MCPH1: variants seen among roughly 807,000 people sequenced by gnomAD.
MCPH1 encodes the protein microcephalin.
In MCPH1, 104 loss-of-function variants were observed where a neutral mutation model predicts 84.5. That is an observed-to-expected ratio of 1.23 (90% CI 1.05 to 1.45). The LOEUF (loss-of-function observed/expected upper bound fraction) is 1.45, where lower values mean the gene tolerates loss of function less well. Among genes scored for constraint, MCPH1 ranks in the 40% most tolerant of loss-of-function variants. MCPH1 has a pLI of 0.00. For synonymous variants in MCPH1, 514 were observed against 366.8 expected (o/e 1.40, Z -4.58); for missense variants, 1,498 against 1,005.7 (o/e 1.49, Z -6.62).
chr8:6,485,964 T>A (rs1439581689), intron 11 of MCPH1, among the ~76,000 whole-genome samples: 1 of 152,140 alleles, frequency 6.6e-6, no homozygotes, highest in Non-Finnish European at 1.5e-5. Flanking sequence ...CGAGTCACTT[T>A]CTCTGTTCAT....
At chr8:6,560,261 A>T (rs1190463592) in intron 12 of MCPH1, among the ~76,000 whole-genome samples, 4 of 152,250 alleles carry the variant, frequency 2.6e-5, no homozygotes, top group Non-Finnish European at 5.9e-5. Flanking sequence ...ATGTAAAACC[A>T]TGAAAAACCC....
At chr8:6,417,734 G>A (rs1227556246) in intron 3 of MCPH1, among the ~76,000 whole-genome samples, 3 of 152,040 alleles carry the variant, frequency 2.0e-5, no homozygotes, top group East Asian at 1.9e-4. Context: ...CTATTACCTC[G>A]ATGAGTGTAG....
At chr8:6,604,916 G>A (rs1440288583) in intron 12 of MCPH1, among the ~76,000 whole-genome samples, 1 of 152,260 alleles carries the variant, frequency 6.6e-6, no homozygotes, top group East Asian at 1.9e-4. Flanking sequence ...GGAGGAGTAA[G>A]AGCAAGAAGA....
intron 12 of MCPH1, among the ~76,000 whole-genome samples, chr8:6,569,043 A>G (rs1475481789): frequency 6.6e-6 from 1 of 152,346 alleles, no homozygotes; most frequent in East Asian, 1.9e-4. Flanking sequence ...CTTTTGAGAC[A>G]TCTTGGCCAT....
intron 12 of MCPH1, among the ~76,000 whole-genome samples, chr8:6,531,418 A>C (rs1482891704): frequency 2.0e-5 from 3 of 151,190 alleles, no homozygotes; most frequent in Non-Finnish European, 4.4e-5. Context: ...CCTCCCAAGT[A>C]GCTGGGATTG....
chr8:6,600,019 A>G (rs561315143), intron 12 of MCPH1, among the ~76,000 whole-genome samples: 2 of 152,352 alleles, frequency 1.3e-5, no homozygotes, highest in African/African-American at 4.8e-5. Flanking sequence ...TTTGCTAGGA[A>G]GCGGTCAATA....
intron 12 of MCPH1, among the ~76,000 whole-genome samples, chr8:6,607,688 G>A (rs1463501558): frequency 6.6e-6 from 1 of 152,182 alleles, no homozygotes; most frequent in Non-Finnish European, 1.5e-5. Flanking sequence ...TAGTGAATAA[G>A]TCTCATGAGA....
Position 6,455,141 on chromosome 8 carries a change from A to C in MCPH1, c.1826-2A>C. On this transcript the variant is annotated splice_acceptor_variant, in intron 8 of 13. Transcript: ENST00000344683. LOFTEE classifies it high-confidence loss of function. ...CTAATTTTTAATCCCCTTGGGTTTT[A>C]GGTGTTAAAAATAGACCAACAAGGC... 1 of 1,611,210 alleles carries C rather than the reference A, an allele frequency of 6.2e-7. No homozygotes were observed. Among genetic ancestry groups the C allele is most frequent in the East Asian group, 2.2e-5 (1 of 44,818 alleles).
At chr8:6,577,829 T>C (rs1827235041) in intron 12 of MCPH1, among the ~76,000 whole-genome samples, 1 of 152,250 alleles carries the variant, frequency 6.6e-6, no homozygotes, top group South Asian at 2.1e-4. Context: ...TTAGTAATTC[T>C]TCTTAATCTC....
intron 3 of MCPH1, among the ~76,000 whole-genome samples, chr8:6,424,261 G>A (rs1265846072): frequency 6.6e-6 from 1 of 152,198 alleles, no homozygotes; most frequent in East Asian, 1.9e-4. Context: ...TTCTGTTGAA[G>A]ACAATTTATC....
chr8:6,495,592 G>A (rs999952024), intron 11 of MCPH1, among the ~76,000 whole-genome samples: 5 of 152,174 alleles, frequency 3.3e-5, no homozygotes, highest in African/African-American at 1.2e-4. Context: ...TTATAATTTT[G>A]TCAGCTTAAA....
intron 9 of MCPH1, among the ~76,000 whole-genome samples, chr8:6,461,739 T>C (rs7824209): frequency 0.23 from 34,379 of 152,060 alleles, 5,048 homozygotes; most frequent in African/African-American, 0.42. Flanking sequence ...TTATACATCT[T>C]TTCAGAGGGA....
At chr8:6,592,641 T>TTTTTTTGTTG in intron 12 of MCPH1, among the ~76,000 whole-genome samples, 1 of 107,430 alleles carries the variant, frequency 9.3e-6, no homozygotes, top group African/African-American at 3.4e-5. Flanking sequence ...TTTTTTTTTT[T>TTTTTTTGTTG]TTGTTGCTGT....
At chr8:6,577,937 G>C (rs1162548937) in intron 12 of MCPH1, among the ~76,000 whole-genome samples, 1 of 152,200 alleles carries the variant, frequency 6.6e-6, no homozygotes, top group Non-Finnish European at 1.5e-5. Context: ...TTCCGAGATG[G>C]AGTGTCTGTG....
At chr8:6,490,627 C>G (rs938210821) in intron 11 of MCPH1, among the ~76,000 whole-genome samples, 1 of 152,098 alleles carries the variant, frequency 6.6e-6, no homozygotes, top group Non-Finnish European at 1.5e-5. Flanking sequence ...CATTTTGCTA[C>G]CTGATACTTT....
At chr8:6,630,123 G>A (rs567280640) in intron 13 of MCPH1, among the ~76,000 whole-genome samples, 2 of 152,272 alleles carry the variant, frequency 1.3e-5, no homozygotes, top group South Asian at 4.2e-4. Context: ...GAACACAGGA[G>A]GAAAGAAATA....
intron 9 of MCPH1, chr8:6,474,262 A>G: frequency 1.8e-6 from 1 of 566,312 alleles, no homozygotes; most frequent in East Asian, 3.0e-5. Flanking sequence ...AATCACCCAC[A>G]TTAATGTATT....
intron 12 of MCPH1, among the ~76,000 whole-genome samples, chr8:6,598,599 T>C (rs1165683167): frequency 6.6e-6 from 1 of 152,204 alleles, no homozygotes; most frequent in Non-Finnish European, 1.5e-5. Context: ...CACCCAAGGC[T>C]TTCCAAAAGG....
At chr8:6,557,596 CTG>C (rs2129575496) in intron 12 of MCPH1, among the ~76,000 whole-genome samples, 1 of 152,152 alleles carries the variant, frequency 6.6e-6, no homozygotes, top group South Asian at 2.1e-4. Flanking sequence ...TTAGAGTCGA[CTG>C]TATCAGTTGC....
Sources: allele counts gnomAD v4.1 joint callset (sites outside exome capture counted in the v4.1 genomes callset), GRCh38; gene constraint gnomAD v4.1.1; transcripts MANE v1.5; gene names NCBI Gene and HGNC (gene_info 2026-07-23, HGNC 2026-07-21).